GZMK: variants seen among roughly 807,000 people sequenced by gnomAD.
The protein encoded by GZMK is NK-Tryp-2.
GZMK carries 18 observed loss-of-function variants against 22.8 expected under a neutral mutation model. That is an observed-to-expected ratio of 0.79 (90% CI 0.54 to 1.17). GZMK has a LOEUF of 1.17. Ranked by LOEUF, GZMK falls within the 50% of genes most tolerant of loss-of-function variation. The pLI, the probability that GZMK is intolerant of heterozygous loss-of-function variation, is 0.00. For missense variants in GZMK, 342 were observed against 320.2 expected (o/e 1.07, Z -0.52); for synonymous variants, 136 against 115.0 (o/e 1.18, Z -1.17).
chr5:55,033,765 G>C lies in GZMK; in HGVS notation c.634G>C (p.Gly212Arg). 6.3e-7 allele frequency: 1 copy of C among 1,593,178 alleles called. No individual in the cohort carries two copies. The change falls in exon 5 of 5, where the codon GGT becomes CGT. Residue 212 changes from glycine (G) to arginine (R), a missense_variant and splice_region_variant. Physicochemically the swap from Gly to Arg is moderately radical, Grantham distance 125. Coordinates refer to ENST00000231009, the MANE Select transcript of GZMK (RefSeq NM_002104.3). ...TATTTGCCCTTTTTCTTCCTTCCAG[G>C]GTGACTCAGGGGGCCCCTTGATCTG... ...DAKGQKDSCKGDSGGPLICKG... is the reference protein window; with the variant it reads ...DAKGQKDSCKRDSGGPLICKG...
Position 55,030,724 on chromosome 5 carries a change from C to T in GZMK, c.363+140C>T, listed in dbSNP as rs150820489. The T allele has an allele frequency of 1.5e-3, 992 of 666,850 alleles. 9 individuals are homozygous for T. The African/African-American group carries it at 0.015, about 10-fold the overall frequency. 41.3% of individuals were successfully genotyped at this position (666,850 alleles called of 1,614,324 possible). A position where few individuals can be genotyped will look rare whatever the true frequency, so the allele number is the denominator to read the frequency against. On this transcript the variant is annotated intron_variant, in intron 3 of 4. Transcript: ENST00000231009. ...GATTATGATATATTTTATAAGGGCC[C>T]ATGTTATTCCATATACTGTCTTGAA... is the stretch of plus-strand genomic sequence containing the variant.
Position 55,030,518 on chromosome 5 carries a change from C to A in GZMK, c.297C>A (p.Ile99=), listed in dbSNP as rs745427581. The part of the protein sequence containing the change: ...KNEASKQTLE[I]KKFIPFSRVT... ...AGGCCTCCAAACAAACACTGGAGAT[C>A]AAAAAATTTATACCATTCTCAAGAG... Residue 99 remains isoleucine, a synonymous_variant, in exon 3 of 5, where the codon ATC becomes ATA. Coordinates refer to ENST00000231009, the MANE Select transcript of GZMK (RefSeq NM_002104.3). 6.2e-7 allele frequency: 1 copy of A among 1,612,138 alleles called. No individual in the cohort carries two copies.
rs777705838 is a variant in GZMK at position 55,024,698 on chromosome 5, C to T, written c.103C>T (p.Pro35Ser). 3 of 1,609,486 alleles carry T rather than the reference C, an allele frequency of 1.9e-6. No individual in the cohort carries two copies. In the South Asian group the frequency reaches 3.3e-5, roughly 18 times the overall value. ...AATTATTGGAGGGAAAGAAGTGTCACCTCATTCCAGGCCATTTATGGCCTC... is the reference window on the plus strand; with the variant it reads ...AATTATTGGAGGGAAAGAAGTGTCATCTCATTCCAGGCCATTTATGGCCTC... ...MEIIGGKEVS[P>S]HSRPFMASIQ... The change falls in exon 2 of 5, where the codon CCT becomes TCT. Residue 35 changes from proline to serine, a missense_variant. Pro to Ser is a moderately conservative substitution (Grantham distance 74, BLOSUM62 -1). Transcript: ENST00000231009.
chr5:55,025,501 C>T lies in GZMK; in HGVS notation c.212+694C>T, dbSNP rs114121303. ...GAGTAAAACCTTCCAAAGTCCATTT[C>T]AGCCTAGGATTCTCTTACTTCAGCT... On this transcript the variant is annotated intron_variant, in intron 2 of 4. Transcript: ENST00000231009. Among the ~76,000 whole-genome samples the T allele has an allele frequency of 7.4e-3, 1,126 of 152,336 alleles. 24 individuals are homozygous for T. Among genetic ancestry groups the T allele is most frequent in the African/African-American group, 0.025 (1,058 of 41,574 alleles).
intron 2 of GZMK, chr5:55,028,069 T>A (rs1472789630): frequency 1.3e-5 from 2 of 152,216 alleles, no homozygotes; most frequent in African/African-American, 4.8e-5. Context: ...GTTTTTGGTC[T>A]TAACATGTCC....
rs1481085117 is a variant in GZMK at position 55,033,882 on chromosome 5, C to A, written c.751C>A (p.Gln251Lys). 3 of 1,613,240 alleles carry A rather than the reference C, an allele frequency of 1.9e-6. No homozygotes were observed. Among genetic ancestry groups the A allele is most frequent in the Non-Finnish European group, 2.5e-6 (3 of 1,179,596 alleles). Reference protein sequence around the residue: ...GIYTLLTKKYQTWIKSNLVPP... With the variant: ...GIYTLLTKKYKTWIKSNLVPP... ...CTACACCCTGTTAACCAAGAAATAC[C>A]AGACTTGGATCAAAAGCAACCTTGT... Residue 251 changes from glutamine to lysine, a missense_variant, in exon 5 of 5, where the codon CAG becomes AAG. Coordinates refer to ENST00000231009, the MANE Select transcript of GZMK (RefSeq NM_002104.3).
chr5:55,030,351 A>G, intron 2 of GZMK, 83 bp from the exon 3 acceptor site: 1 of 1,295,534 alleles, frequency 7.7e-7, no homozygotes, highest in Non-Finnish European at 1.1e-6. Context: ...TTCTCTGTGT[A>G]TACAACCCTC....
chr5:55,024,446 A>G, intron 1 of GZMK, 60 bp downstream of exon 1: 1 of 857,336 alleles, frequency 1.2e-6, no homozygotes, highest in Non-Finnish European at 1.9e-6. Context: ...CTATATTGTT[A>G]TATTATAGAT....
chr5:55,034,016 T>A lies in GZMK; in HGVS notation c.*90T>A. ...GGGTGTAAGTAAAGCAGAGCACATA[T>A]GGGGTCCATTTTTGCACTTGTAAGT... is the stretch of plus-strand genomic sequence containing the variant. On this transcript the variant is annotated 3_prime_UTR_variant, in exon 5 of 5. Coordinates refer to ENST00000231009, the MANE Select transcript of GZMK (RefSeq NM_002104.3). 1.1e-6 allele frequency: 1 copy of A among 932,172 alleles called. No individual in the cohort carries two copies. Among genetic ancestry groups the A allele is most frequent in the Non-Finnish European group, 1.6e-6 (1 of 631,104 alleles). The allele number at this position is 932,172 out of a possible 1,614,324, so 57.7% of individuals were successfully genotyped here.
Position 55,024,674 on chromosome 5 carries a change from A to G in GZMK, c.79A>G (p.Ile27Val), listed in dbSNP as rs1310318434. ...TACTTTTGTAGGTTTCAATATGGAA[A>G]TTATTGGAGGGAAAGAAGTGTCACC... is the stretch of plus-strand genomic sequence containing the variant. ...YMTHVCFNME[I>V]IGGKEVSPHS... Residue 27 changes from isoleucine to valine, a missense_variant, in exon 2 of 5, where the codon ATT becomes GTT. Transcript: ENST00000231009. The G allele has an allele frequency of 5.0e-6, 8 of 1,607,400 alleles. No homozygotes were observed. The Admixed American group carries it at 5.0e-5, about 10-fold the overall frequency.
At position 55,034,305 on chromosome 5, in the gene GZMK, T is replaced by C. The variant is rs372962276; in HGVS notation, c.*379T>C. 5.8e-5 allele frequency: 11 copies of C among 189,776 alleles called. No individual in the cohort carries two copies. The East Asian group carries it at 1.0e-3, about 18-fold the overall frequency. The allele number at this position is 189,776 out of a possible 1,614,324, so 11.8% of individuals were successfully genotyped here. A position where few individuals can be genotyped will look rare whatever the true frequency, so the allele number is the denominator to read the frequency against. On this transcript the variant is annotated 3_prime_UTR_variant, in exon 5 of 5. Coordinates refer to ENST00000231009, the MANE Select transcript of GZMK (RefSeq NM_002104.3). ...TTTTCTTTTCATTGTTGTGATAACA[T>C]TGAACATGAGATAGGCCCTTGCAAC...
chr5:55,024,447 T>A, intron 1 of GZMK, 61 bp downstream of exon 1: 2 of 859,706 alleles, frequency 2.3e-6, no homozygotes, highest in Non-Finnish European at 3.8e-6. Context: ...TATATTGTTA[T>A]ATTATAGATG....
intron 3 of GZMK, among the ~76,000 whole-genome samples, 200 bp downstream of exon 3, chr5:55,030,784 G>A (rs1418929364): frequency 1.3e-5 from 2 of 152,190 alleles, no homozygotes; most frequent in Non-Finnish European, 2.9e-5. Flanking sequence ...CACCAGGGCT[G>A]TGTTTATACA....
At chr5:55,032,822 T>G (rs1403776101) in intron 4 of GZMK, 1 of 152,240 alleles carries the variant, frequency 6.6e-6, no homozygotes, top group Non-Finnish European at 1.5e-5. Context: ...CATGTTTGTA[T>G]GAACTATACT....
rs186746029 is a variant in GZMK at position 55,031,608 on chromosome 5, C to A, written c.608C>A (p.Ala203Asp). 1 of 1,613,660 alleles carries A rather than the reference C, an allele frequency of 6.2e-7. No individual in the cohort carries two copies. The highest frequency in any genetic ancestry group is 1.7e-5 in the Admixed American group (1 of 60,022). The part of the protein sequence containing the change: ...ITKDMVCAGD[A>D]KGQKDSCKGD... ...AAAGACATGGTCTGTGCAGGAGATG[C>A]CAAAGGCCAGAAGGATTCCTGTAAG... Residue 203 changes from alanine to aspartate, a missense_variant, in exon 4 of 5, where the codon GCC becomes GAC. Coordinates refer to ENST00000231009, the MANE Select transcript of GZMK (RefSeq NM_002104.3).
At chr5:55,025,854 T>C (rs1204848310) in intron 2 of GZMK, 1 of 152,194 alleles carries the variant, frequency 6.6e-6, no homozygotes, top group African/African-American at 2.4e-5. Flanking sequence ...TGATCACAAA[T>C]TGGAAGTTTT....
At chr5:55,030,869 C>G (rs1353950175) in intron 3 of GZMK, among the ~76,000 whole-genome samples, 1 of 152,192 alleles carries the variant, frequency 6.6e-6, no homozygotes, top group Admixed American at 6.5e-5. Flanking sequence ...ACACTGAAAG[C>G]TTTTCTCCCA....
chr5:55,026,013 T>C (rs1741137874), intron 2 of GZMK, among the ~76,000 whole-genome samples: 1 of 152,252 alleles, frequency 6.6e-6, no homozygotes, highest in Non-Finnish European at 1.5e-5. Flanking sequence ...CCAGGGCATT[T>C]GCCCCCTCGA....
chr5:55,025,540 A>T (rs906014747), intron 2 of GZMK: 1 of 152,192 alleles, frequency 6.6e-6, no homozygotes, highest in African/African-American at 2.4e-5. Flanking sequence ...AAAGCACAAA[A>T]CCCCTCTTGG....
Sources: allele counts gnomAD v4.1 joint callset (sites outside exome capture counted in the v4.1 genomes callset), GRCh38; gene constraint gnomAD v4.1.1; transcripts MANE v1.5; gene names NCBI Gene and HGNC (gene_info 2026-07-23, HGNC 2026-07-21).